The following LDLRAD4 variants were observed in gnomAD, a reference collection of about 807,000 sequenced individuals.
The protein encoded by LDLRAD4 is low-density lipoprotein receptor class A domain-containing protein 4.
LDLRAD4 carries 5 observed loss-of-function variants against 17.0 expected under a neutral mutation model. The observed-to-expected ratio is 0.29, with a 90% CI of 0.15 to 0.62. The LOEUF (loss-of-function observed/expected upper bound fraction) is 0.62, where lower values mean the gene tolerates loss of function less well. LDLRAD4 is among the 20% of genes least tolerant of loss of function. LDLRAD4 has a pLI of 0.84. For synonymous variants in LDLRAD4, 168 were observed against 171.8 expected (o/e 0.98, Z 0.17); for missense variants, 340 against 424.7 (o/e 0.80, Z 1.75).
intron 2 of LDLRAD4, among the ~76,000 whole-genome samples, chr18:13,432,291 A>G (rs1369372101): frequency 1.3e-5 from 2 of 152,194 alleles, no homozygotes; most frequent in East Asian, 1.9e-4. Context: ...CTAAAGCACT[A>G]CTTTCTGGAT....
chr18:13,308,514 T>C (rs1231320892), intron 1 of LDLRAD4, among the ~76,000 whole-genome samples: 2 of 152,230 alleles, frequency 1.3e-5, no homozygotes, highest in African/African-American at 4.8e-5. Flanking sequence ...CCTGTGCTGG[T>C]GTACTCTGAG....
chr18:13,309,940 G>A (rs745532516), intron 1 of LDLRAD4, among the ~76,000 whole-genome samples: 14 of 152,156 alleles, frequency 9.2e-5, no homozygotes, highest in Non-Finnish European at 1.5e-4. Context: ...GAACGATAGC[G>A]CAGTCTCTTA....
chr18:13,291,227 C>T (rs566667799), intron 1 of LDLRAD4, among the ~76,000 whole-genome samples: 2 of 152,248 alleles, frequency 1.3e-5, no homozygotes, highest in African/African-American at 2.4e-5. Context: ...AACTGAGGCT[C>T]AATCTGTTGT....
rs145487534 is a variant in LDLRAD4 at position 13,633,211 on chromosome 18, G to T, written c.337-10148G>T. On this transcript the variant is annotated intron_variant, in intron 4 of 5. Coordinates refer to ENST00000359446, the Ensembl canonical transcript of LDLRAD4. ...TCTGTTCAAGTCAAACTGAATCCAG[G>T]ATTTTTAATGAGCTCAAAAGGGAGG... Among the ~76,000 whole-genome samples, 416 of 152,354 alleles carry T rather than the reference G, an allele frequency of 2.7e-3. 1 individual carries two copies. Among genetic ancestry groups the T allele is most frequent in the Non-Finnish European group, 4.6e-3 (315 of 68,026 alleles).
At chr18:13,597,283 T>C (rs2095106992) in intron 3 of LDLRAD4, among the ~76,000 whole-genome samples, 1 of 152,202 alleles carries the variant, frequency 6.6e-6, no homozygotes, top group Non-Finnish European at 1.5e-5. Flanking sequence ...GAGAAGTCAG[T>C]TGTTAATCTT....
chr18:13,339,645 T>TA (rs1223881773), intron 1 of LDLRAD4, among the ~76,000 whole-genome samples: 1 of 152,214 alleles, frequency 6.6e-6, no homozygotes, highest in Non-Finnish European at 1.5e-5. Context: ...AACTTTTTTT[T>TA]ATTATAGAAA....
At chr18:13,454,944 G>C (rs1370137815) in intron 3 of LDLRAD4, among the ~76,000 whole-genome samples, 1 of 152,270 alleles carries the variant, frequency 6.6e-6, no homozygotes, top group Non-Finnish European at 1.5e-5. Context: ...CGGGAGCAGG[G>C]CATGCGCCCT....
upstream of LDLRAD4, among the ~76,000 whole-genome samples, chr18:13,274,122 A>G (rs1284469487): frequency 2.0e-5 from 3 of 151,766 alleles, no homozygotes; most frequent in Non-Finnish European, 4.4e-5. Context: ...TCTTGAATGA[A>G]CCTTTCTTCT....
intron 2 of LDLRAD4, among the ~76,000 whole-genome samples, chr18:13,429,269 G>A (rs1354918932): frequency 6.6e-6 from 1 of 152,206 alleles, no homozygotes; most frequent in African/African-American, 2.4e-5. Context: ...GGGCCCCAAA[G>A]CCTGATTCGG....
Position 13,443,979 on chromosome 18 carries a change from A to G in LDLRAD4, c.181+5595A>G, listed in dbSNP as rs568777066. On this transcript the variant is annotated intron_variant, in intron 3 of 5. Coordinates refer to ENST00000359446, the Ensembl canonical transcript of LDLRAD4. ...TGTGTCTGCTGGTTTCTTGTGTGAT[A>G]CCGTCAGGCATTTGGGGTTGCAAAA... Among the ~76,000 whole-genome samples, 6 of 152,304 alleles carry G rather than the reference A, an allele frequency of 3.9e-5. No individual in the cohort carries two copies. In the South Asian group the frequency reaches 1.0e-3, roughly 26 times the overall value.
intron 1 of LDLRAD4, among the ~76,000 whole-genome samples, chr18:13,283,716 A>G (rs6505795): frequency 0.85 from 128,841 of 152,218 alleles, 54,639 homozygotes; most frequent in Non-Finnish European, 0.87. Context: ...TTCCAAAATC[A>G]CTTTCACATT....
At chr18:13,312,852 T>C (rs1271247866) in intron 1 of LDLRAD4, among the ~76,000 whole-genome samples, 2 of 152,226 alleles carry the variant, frequency 1.3e-5, no homozygotes, top group Non-Finnish European at 2.9e-5. Flanking sequence ...TAAATAATCA[T>C]AGCGAAACCA....
At chr18:13,225,363 C>T (rs2041726698) in intron 1 of LDLRAD4, among the ~76,000 whole-genome samples, 1 of 152,198 alleles carries the variant, frequency 6.6e-6, no homozygotes, top group Non-Finnish European at 1.5e-5. Flanking sequence ...GCTCTTGAGC[C>T]ACCCCCAGCA....
chr18:13,588,932 TC>T (rs1828652031), intron 3 of LDLRAD4, among the ~76,000 whole-genome samples: 1 of 147,504 alleles, frequency 6.8e-6, no homozygotes. Flanking sequence ...TTTCTTTTTT[TC>T]TTTTTTTTTT....
intron 1 of LDLRAD4, among the ~76,000 whole-genome samples, chr18:13,223,498 G>A (rs989205060): frequency 1.3e-5 from 2 of 152,262 alleles, no homozygotes; most frequent in African/African-American, 4.8e-5. Context: ...GGGCTGGGCC[G>A]GCAATGCACA....
chr18:13,478,339 C>T (rs758827610), intron 3 of LDLRAD4, among the ~76,000 whole-genome samples: 11 of 152,196 alleles, frequency 7.2e-5, no homozygotes, highest in Non-Finnish European at 1.3e-4. Flanking sequence ...TCAGGATTAA[C>T]AGTTGGTATT....
intron 3 of LDLRAD4, among the ~76,000 whole-genome samples, chr18:13,579,492 T>C (rs570773984): frequency 4.6e-5 from 7 of 152,348 alleles, no homozygotes; most frequent in African/African-American, 1.7e-4. Context: ...TCTTTCTTCA[T>C]GGATGACCAG....
intron 3 of LDLRAD4, among the ~76,000 whole-genome samples, chr18:13,554,847 T>C (rs948497): frequency 0.62 from 94,617 of 151,936 alleles, 29,757 homozygotes; most frequent in Middle Eastern, 0.7. Context: ...TGCATTGTGA[T>C]GCCCTTCCAC....
chr18:13,270,426 G>C (rs1308750037), intron 1 of LDLRAD4, among the ~76,000 whole-genome samples: 1 of 152,094 alleles, frequency 6.6e-6, no homozygotes, highest in East Asian at 1.9e-4. Flanking sequence ...CAGATGTGTA[G>C]AGTCTGAATT....
Sources: allele counts gnomAD v4.1 joint callset (sites outside exome capture counted in the v4.1 genomes callset), GRCh38; gene constraint gnomAD v4.1.1; transcripts MANE v1.5; gene names NCBI Gene and HGNC (gene_info 2026-07-23, HGNC 2026-07-21).